NEK11: variants seen among roughly 807,000 people sequenced by gnomAD.
NEK11 encodes the protein serine/threonine-protein kinase Nek11.
NEK11 carries 72 observed loss-of-function variants against 80.7 expected under a neutral mutation model. The observed-to-expected ratio is 0.89, with a 90% CI of 0.74 to 1.08. The LOEUF is 1.08. Among genes scored for constraint, NEK11 ranks in the 50% least tolerant of loss-of-function variants. NEK11 has a pLI of 0.00. For missense variants in NEK11, 764 were observed against 763.6 expected (o/e 1.00, Z -0.01); for synonymous variants, 251 against 260.7 (o/e 0.96, Z 0.36).
intron 16 of NEK11, among the ~76,000 whole-genome samples, chr3:131,267,134 C>T (rs1166797767): frequency 6.6e-6 from 1 of 152,208 alleles, no homozygotes; most frequent in Non-Finnish European, 1.5e-5. Context: ...AGTCTTGACT[C>T]TCTATCCAAT....
At chr3:131,259,179 G>A (rs1278638503) in intron 16 of NEK11, among the ~76,000 whole-genome samples, 1 of 152,060 alleles carries the variant, frequency 6.6e-6, no homozygotes, top group African/African-American at 2.4e-5. Context: ...CCTTCCTACT[G>A]GAAAGCATTT....
At chr3:131,271,725 G>A (rs565130903) in intron 16 of NEK11, among the ~76,000 whole-genome samples, 1 of 149,924 alleles carries the variant, frequency 6.7e-6, no homozygotes, top group Admixed American at 6.6e-5. Flanking sequence ...AACCCAGGAG[G>A]TGGAGGATGC....
intron 4 of NEK11, among the ~76,000 whole-genome samples, chr3:131,095,088 A>G (rs1183241167): frequency 6.6e-6 from 1 of 152,168 alleles, no homozygotes; most frequent in African/African-American, 2.4e-5. Context: ...GAAATAGTTC[A>G]TCATAGGTAA....
chr3:131,210,827 T>C (rs1310963376), intron 14 of NEK11, among the ~76,000 whole-genome samples: 2 of 152,214 alleles, frequency 1.3e-5, no homozygotes, highest in African/African-American at 4.8e-5. Flanking sequence ...ATTTGCTTAG[T>C]AGATCTTCCT....
At chr3:131,113,156 T>C (rs2080407867) in intron 5 of NEK11, among the ~76,000 whole-genome samples, 1 of 152,154 alleles carries the variant, frequency 6.6e-6, no homozygotes, top group African/African-American at 2.4e-5. Flanking sequence ...TGAGATGTGA[T>C]AGAAGGTCAA....
intron 4 of NEK11, among the ~76,000 whole-genome samples, chr3:131,104,878 G>A (rs2078950027): frequency 6.6e-6 from 1 of 152,152 alleles, no homozygotes. Flanking sequence ...GCAGACATGT[G>A]GTCCTTGGGG....
chr3:131,299,321 G>A (rs1228882623), intron 17 of NEK11, among the ~76,000 whole-genome samples: 1 of 152,082 alleles, frequency 6.6e-6, no homozygotes, highest in African/African-American at 2.4e-5. Context: ...TCATGCCTTA[G>A]CCTCCTGAGT....
intron 1 of NEK11, chr3:131,027,313 T>C (rs2064014860): frequency 6.6e-6 from 1 of 152,188 alleles, no homozygotes. Flanking sequence ...CAAATTGCCT[T>C]CCTCTTATTA....
intron 4 of NEK11, among the ~76,000 whole-genome samples, chr3:131,083,649 T>C (rs995873180): frequency 6.6e-6 from 1 of 152,236 alleles, no homozygotes; most frequent in Non-Finnish European, 1.5e-5. Context: ...CTTATCTCTT[T>C]ATCTCCAGGT....
chr3:131,029,425 G>A (rs1043020745), intron 2 of NEK11, among the ~76,000 whole-genome samples, 188 bp from the exon 3 acceptor site: 10 of 152,172 alleles, frequency 6.6e-5, no homozygotes, highest in Admixed American at 6.5e-4. Flanking sequence ...TACAAAGGGA[G>A]GCTCTTCCTG....
chr3:131,118,201 C>T (rs563370833), intron 5 of NEK11, among the ~76,000 whole-genome samples: 7 of 152,228 alleles, frequency 4.6e-5, no homozygotes, highest in South Asian at 4.1e-4. Context: ...TGAAGTTTGT[C>T]GAAGGCCTTT....
intron 14 of NEK11, among the ~76,000 whole-genome samples, chr3:131,178,779 A>G (rs2093184709): frequency 6.6e-6 from 1 of 152,212 alleles, no homozygotes; most frequent in East Asian, 1.9e-4. Context: ...ACATGCTTGT[A>G]TGCCCTATAC....
intron 17 of NEK11, among the ~76,000 whole-genome samples, chr3:131,276,588 A>G (rs1347200069): frequency 6.6e-6 from 1 of 152,112 alleles, no homozygotes; most frequent in Non-Finnish European, 1.5e-5. Context: ...ACATTTTTGT[A>G]ATTTTTCTTT....
At chr3:131,210,690 G>A (rs2094582693) in intron 14 of NEK11, among the ~76,000 whole-genome samples, 1 of 152,176 alleles carries the variant, frequency 6.6e-6, no homozygotes. Flanking sequence ...AGGATAGTTA[G>A]CTCTTCTTAT....
intron 16 of NEK11, among the ~76,000 whole-genome samples, chr3:131,267,305 A>C (rs1468606976): frequency 6.6e-6 from 1 of 152,186 alleles, no homozygotes; most frequent in Non-Finnish European, 1.5e-5. Flanking sequence ...ACAATTTAGC[A>C]TGTTTTTGCA....
chr3:131,237,359 C>A (rs2095447449), intron 15 of NEK11, among the ~76,000 whole-genome samples: 1 of 152,082 alleles, frequency 6.6e-6, no homozygotes, highest in South Asian at 2.1e-4. Flanking sequence ...AGAAATGCAA[C>A]ATAGATGAGT....
At chr3:131,065,457 T>G (rs1489339919) in intron 3 of NEK11, among the ~76,000 whole-genome samples, 1 of 152,204 alleles carries the variant, frequency 6.6e-6, no homozygotes, top group Non-Finnish European at 1.5e-5. Flanking sequence ...CATATTCCCC[T>G]TGAAATGAGG....
intron 3 of NEK11, among the ~76,000 whole-genome samples, chr3:131,064,422 G>A (rs571762336): frequency 1.2e-4 from 18 of 152,172 alleles, no homozygotes; most frequent in East Asian, 1.2e-3. Flanking sequence ...TTGTGCAAGC[G>A]TGTCCCTGGT....
chr3:131,147,306 T>G (rs2088581318), intron 7 of NEK11, among the ~76,000 whole-genome samples: 1 of 152,044 alleles, frequency 6.6e-6, no homozygotes, highest in Non-Finnish European at 1.5e-5. Flanking sequence ...TGGCCCAGCA[T>G]AATTTGTTGA....
Sources: gnomAD v4.1 joint callset for allele counts (sites outside exome capture counted in the v4.1 genomes callset) on GRCh38, gnomAD v4.1.1 for gene constraint, MANE v1.5 for transcripts, NCBI Gene and HGNC (gene_info 2026-07-23, HGNC 2026-07-21) for gene names.